ST3GAL4: variants seen among roughly 807,000 people sequenced by gnomAD.
ST3GAL4 encodes the protein ST3 beta-galactoside alpha-2,3-sialyltransferase 4.
Under a neutral mutation model 42.6 loss-of-function variants are expected in ST3GAL4, and 24 were observed. The ratio of observed to expected loss-of-function variants is 0.56; its 90% CI spans 0.41 to 0.79. The LOEUF is 0.79. Ranked by LOEUF, ST3GAL4 falls within the 30% of genes least tolerant of loss-of-function variation. The probability of loss-of-function intolerance (pLI) is 0.00; values close to 1 mark genes in which losing one functional copy is unlikely to be tolerated. For missense variants in ST3GAL4, 311 were observed against 430.8 expected, an observed-to-expected ratio of 0.72 and a Z score of 2.46; for synonymous variants, 135 against 163.2, an observed-to-expected ratio of 0.83 and a Z score of 1.32.
chr11:126,391,961 GTGTGTGTGTGTA>G lies in ST3GAL4; in HGVS notation c.-60-14125_-60-14114del, dbSNP rs1018555731. ...CGTGTGTGTGTGTGTGTGTGTGTGT[GTGTGTGTGTGTA>G]TGTGTGTGTATGTGTATATATAAAA... On this transcript the variant is annotated intron_variant, in intron 1 of 10. Transcript: ENST00000444328. The surrounding 1 kb of genome is among the most constrained non-coding windows in gnomAD (Gnocchi z 5.5). 2.3e-4 allele frequency among the ~76,000 whole-genome samples: 33 copies of G among 140,910 alleles called. No individual in the cohort carries two copies. The highest frequency in any genetic ancestry group is 7.7e-4 in the African/African-American group (28 of 36,352). The allele number at this position is 140,910 out of a possible 152,430, so 92.4% of individuals were successfully genotyped here.
chr11:126,358,812 T>C (rs899216862), intron 1 of ST3GAL4, among the ~76,000 whole-genome samples: 1 of 152,136 alleles, frequency 6.6e-6, no homozygotes, highest in African/African-American at 2.4e-5. Context: ...TGCCCTGTGA[T>C]AGGATGTGAT....
rs558265344 is a variant in ST3GAL4, at chr11:126,383,177, C to T, written c.-60-22919C>T. 8.6e-3 allele frequency among the ~76,000 whole-genome samples: 1,309 copies of T among 152,268 alleles called. 16 individuals are homozygous for T. The highest frequency in any genetic ancestry group is 0.029 in the African/African-American group (1,210 of 41,546). ...GGGACACACCTGTGGGGCTCATAGG[C>T]GTGGCTGGGTCTCCTCTCAGGTGCC... On this transcript the variant is annotated intron_variant, in intron 1 of 10. Coordinates refer to ENST00000444328, the MANE Select transcript of ST3GAL4 (RefSeq NM_001254757.2). This position sits in a 1 kb window ranked among gnomAD's most constrained non-coding sequence, Gnocchi z 4.5.
At position 126,406,908 on chromosome 11, in the gene ST3GAL4, T is replaced by G; in HGVS notation, c.102-35T>G. The stretch of plus-strand genomic sequence containing the variant: ...TGGAACATGGGTCCCTGGGTCTGAC[T>G]GGGGCTTCTGCCTCCTGTCCTTTTT... On this transcript the variant is annotated intron_variant, in intron 3 of 10. Coordinates refer to ENST00000444328, the MANE Select transcript of ST3GAL4 (RefSeq NM_001254757.2). The surrounding 1 kb of genome is among the most constrained non-coding windows in gnomAD (Gnocchi z 5.4). 1 of 1,593,092 alleles carries G rather than the reference T, an allele frequency of 6.3e-7. No individual in the cohort carries two copies. Among genetic ancestry groups the G allele is most frequent in the Non-Finnish European group, 8.6e-7 (1 of 1,161,674 alleles).
At chr11:126,385,393 C>T (rs999603117) in intron 1 of ST3GAL4, among the ~76,000 whole-genome samples, 1 of 151,946 alleles carries the variant, frequency 6.6e-6, no homozygotes, top group African/African-American at 2.4e-5. Flanking sequence ...ACCTCATGAT[C>T]CTCCCACCTC....
chr11:126,368,482 G>A (rs1952519149), intron 1 of ST3GAL4, among the ~76,000 whole-genome samples: 1 of 152,246 alleles, frequency 6.6e-6, no homozygotes, highest in African/African-American at 2.4e-5. Context: ...CCTGCGCTGG[G>A]ACAGGGGTAT....
chr11:126,399,301 CTT>C (rs58479155), intron 1 of ST3GAL4, among the ~76,000 whole-genome samples: 3 of 87,750 alleles, frequency 3.4e-5, no homozygotes, highest in South Asian at 9.7e-4. Context: ...TTCTTTCCTT[CTT>C]TTTTTTTTTT....
At chr11:126,370,707 C>A (rs1402947678) in intron 1 of ST3GAL4, among the ~76,000 whole-genome samples, 1 of 150,742 alleles carries the variant, frequency 6.6e-6, no homozygotes, top group Non-Finnish European at 1.5e-5. Flanking sequence ...AATGGAGACT[C>A]GCTCTGTCAC....
chr11:126,408,373 C>T lies in ST3GAL4; in HGVS notation c.504C>T (p.Phe168=). 1 of 1,614,232 alleles carries T rather than the reference C, an allele frequency of 6.2e-7. No individual in the cohort carries two copies. Among genetic ancestry groups the T allele is most frequent in the East Asian group, 2.2e-5 (1 of 44,872 alleles). The change falls in exon 8 of 11, where the codon TTC becomes TTT. Residue 168 remains phenylalanine, a synonymous_variant. Coordinates refer to ENST00000444328, the MANE Select transcript of ST3GAL4 (RefSeq NM_001254757.2). The part of the protein sequence containing the change: ...DVGSKTTMRL[F]YPESAHFDPK... ...GCTCCAAGACCACCATGCGTCTCTT[C>T]TACCCTGAATCTGCCCACTTCGACC... is the stretch of plus-strand genomic sequence containing the variant.
In ST3GAL4 at chr11:126,391,591, G is replaced by T. The variant is rs895209538; in HGVS notation, c.-60-14505G>T. On this transcript the variant is annotated intron_variant, in intron 1 of 10. Transcript: ENST00000444328. The surrounding 1 kb of genome is among the most constrained non-coding windows in gnomAD (Gnocchi z 5.5). ...GTCCTTGAGTCTGTCTCAGTAGGTG[G>T]ATCTGCATTCAGTGCAGGGCAGAGC... Among the ~76,000 whole-genome samples, 1 of 152,184 alleles carries T rather than the reference G, an allele frequency of 6.6e-6. No homozygotes were observed. The highest frequency in any genetic ancestry group is 2.4e-5 in the African/African-American group (1 of 41,436).
rs1952169704 is a variant in ST3GAL4, at chr11:126,359,296, T to C, written c.-61+3454T>C. On this transcript the variant is annotated intron_variant, in intron 1 of 10. Coordinates refer to ENST00000444328, the MANE Select transcript of ST3GAL4 (RefSeq NM_001254757.2). This position sits in a 1 kb window ranked among gnomAD's most constrained non-coding sequence, Gnocchi z 4.8. ...TTATTAAAAGCCTGGCCCAATAAAC[T>C]TAAAAAAAAAAAAAAGATGTGCTAG... 2.7e-5 allele frequency among the ~76,000 whole-genome samples: 4 copies of C among 149,512 alleles called. No individual in the cohort carries two copies. Among genetic ancestry groups the C allele is most frequent in the Admixed American group, 2.6e-4 (4 of 15,150 alleles).
chr11:126,360,205 G>T (rs1337896430), intron 1 of ST3GAL4, among the ~76,000 whole-genome samples: 1 of 152,200 alleles, frequency 6.6e-6, no homozygotes, highest in Non-Finnish European at 1.5e-5. Flanking sequence ...GGGCCAGCCG[G>T]GGTATACCCT....
rs1412252722 is a variant in ST3GAL4 at position 126,379,558 on chromosome 11, A to G, written c.-61+23716A>G. 6.6e-6 allele frequency among the ~76,000 whole-genome samples: 1 copy of G among 151,962 alleles called. No homozygotes were observed. The highest frequency in any genetic ancestry group is 1.5e-5 in the Non-Finnish European group (1 of 68,006). Reference sequence around the variant, plus strand: ...AGTGGCACGATCTTGGCTCACTGCAACCTCCACCTCCCGGGTTCAAGTAAT... The same window carrying G: ...AGTGGCACGATCTTGGCTCACTGCAGCCTCCACCTCCCGGGTTCAAGTAAT... On this transcript the variant is annotated intron_variant, in intron 1 of 10. Transcript: ENST00000444328. This position sits in a 1 kb window ranked among gnomAD's most constrained non-coding sequence, Gnocchi z 4.2.
chr11:126,408,910 T>A (rs1008108700), intron 8 of ST3GAL4: 4 of 398,294 alleles, frequency 1.0e-5, no homozygotes, highest in Non-Finnish European at 1.4e-5. Context: ...CACTTTGCCA[T>A]CCGGTCACAG....
chr11:126,382,866 A>G (rs1953062174), intron 1 of ST3GAL4, among the ~76,000 whole-genome samples: 1 of 152,248 alleles, frequency 6.6e-6, no homozygotes, highest in South Asian at 2.1e-4. Context: ...TGACCCTGAA[A>G]TTGCTAAAGC....
Position 126,384,390 on chromosome 11 carries a change from A to G in ST3GAL4, c.-60-21706A>G, listed in dbSNP as rs919225873. On this transcript the variant is annotated intron_variant, in intron 1 of 10. Coordinates refer to ENST00000444328, the MANE Select transcript of ST3GAL4 (RefSeq NM_001254757.2). This position sits in a 1 kb window ranked among gnomAD's most constrained non-coding sequence, Gnocchi z 5.5. ...TGGAATTTGTGGCACCTGTGTAGGG[A>G]CTCCAGGGCTGAACGTTGCCTTTGC... Among the ~76,000 whole-genome samples, 6 of 151,626 alleles carry G rather than the reference A, an allele frequency of 4.0e-5. No homozygotes were observed. Among genetic ancestry groups the G allele is most frequent in the Admixed American group, 2.6e-4 (4 of 15,230 alleles).
rs1180382302 is a variant in ST3GAL4 at position 126,410,423 on chromosome 11, C to CTGTGCTG, written c.771+1016_771+1022dup. On this transcript the variant is annotated intron_variant, in intron 9 of 10. Coordinates refer to ENST00000444328, the MANE Select transcript of ST3GAL4 (RefSeq NM_001254757.2). The surrounding 1 kb of genome is among the most constrained non-coding windows in gnomAD (Gnocchi z 5.3). ...TAGCAGACACAGGTATGGCGCTTGG[C>CTGTGCTG]TGTGCTGTGTACTGTGTGGGGCTTG... Among the ~76,000 whole-genome samples, 3 of 152,164 alleles carry CTGTGCTG rather than the reference C, an allele frequency of 2.0e-5. No homozygotes were observed. Among genetic ancestry groups the CTGTGCTG allele is most frequent in the Non-Finnish European group, 4.4e-5 (3 of 68,044 alleles).
chr11:126,409,908 T>C lies in ST3GAL4; in HGVS notation c.771+497T>C, dbSNP rs368054341. On this transcript the variant is annotated intron_variant, in intron 9 of 10. Coordinates refer to ENST00000444328, the MANE Select transcript of ST3GAL4 (RefSeq NM_001254757.2). This position sits in a 1 kb window ranked among gnomAD's most constrained non-coding sequence, Gnocchi z 4.9. The stretch of plus-strand genomic sequence containing the variant: ...ATGTAGTTTTGCAAGTTATGGGTTT[T>C]TGTTTTGTTTTAAAGATAGCGTCTC... Among the ~76,000 whole-genome samples, 27 of 152,250 alleles carry C rather than the reference T, an allele frequency of 1.8e-4. No individual in the cohort carries two copies. Among genetic ancestry groups the C allele is most frequent in the African/African-American group, 6.3e-4 (26 of 41,544 alleles).
chr11:126,408,628 G>A (rs1409582276), intron 8 of ST3GAL4, 132 bp downstream of exon 8: 16 of 1,085,610 alleles, frequency 1.5e-5, no homozygotes, highest in East Asian at 1.0e-4. Flanking sequence ...CCGGGCTCCC[G>A]GAAGTCAGCG....
intron 1 of ST3GAL4, among the ~76,000 whole-genome samples, chr11:126,370,243 C>T (rs992101650): frequency 1.3e-5 from 2 of 152,298 alleles, no homozygotes; most frequent in Non-Finnish European, 1.5e-5. Flanking sequence ...TTTTCACTTC[C>T]AGCATACATC....
Sources: gnomAD v4.1 joint callset for allele counts (sites outside exome capture counted in the v4.1 genomes callset) on GRCh38, gnomAD v4.1.1 for gene constraint, Gnocchi (gnomAD v3.1) non-coding constraint, MANE v1.5 for transcripts, NCBI Gene and HGNC (gene_info 2026-07-23, HGNC 2026-07-21) for gene names.